DAB2IP: variants seen among roughly 807,000 people sequenced by gnomAD.
The protein encoded by DAB2IP is disabled homolog 2-interacting protein.
A neutral mutation model predicts 107.2 loss-of-function variants in DAB2IP; 28 were observed. That is an observed-to-expected ratio of 0.26 (90% confidence interval 0.19 to 0.36). The LOEUF is 0.36. Among genes scored for constraint, DAB2IP ranks in the 10% least tolerant of loss-of-function variants. The probability of loss-of-function intolerance (pLI) is 1.00; values close to 1 mark genes in which losing one functional copy is unlikely to be tolerated. For missense variants in DAB2IP, 1,400 were observed against 1,644.7 expected, an observed-to-expected ratio of 0.85 and a Z score of 2.57; for synonymous variants, 755 against 706.4, an observed-to-expected ratio of 1.07 and a Z score of -1.09.
chr9:121,679,751 C>G (rs1437936055), intron 2 of DAB2IP, among the ~76,000 whole-genome samples: 1 of 152,000 alleles, frequency 6.6e-6, no homozygotes, highest in Non-Finnish European at 1.5e-5. Context: ...TCCAGGGGAG[C>G]TGGAAGTGAT....
intron 1 of DAB2IP, among the ~76,000 whole-genome samples, chr9:121,657,855 G>GATGGATACTT (rs1320456908): frequency 6.6e-6 from 1 of 152,216 alleles, no homozygotes; most frequent in Admixed American, 6.5e-5. Context: ...AGGTTGGAGA[G>GATGGATACTT]ATGGATACTT....
chr9:121,647,504 C>T (rs1832578913), upstream of DAB2IP, among the ~76,000 whole-genome samples: 1 of 152,168 alleles, frequency 6.6e-6, no homozygotes, highest in Non-Finnish European at 1.5e-5. Flanking sequence ...CATGATGTAC[C>T]TGGACTTTCA....
At chr9:121,700,642 C>T (rs1829722427) in intron 3 of DAB2IP, among the ~76,000 whole-genome samples, 1 of 152,184 alleles carries the variant, frequency 6.6e-6, no homozygotes, top group African/African-American at 2.4e-5. Flanking sequence ...AAGTTACAGC[C>T]CAACTCCTGC....
rs1302767980 is a variant in DAB2IP at position 121,770,502 on chromosome 9, G to A, written c.1900-44G>A. On this transcript the variant is annotated intron_variant, in intron 10 of 15. Coordinates refer to ENST00000408936, the Ensembl canonical transcript of DAB2IP. ...GCTGCAGCACATACAGCCTACCCAT[G>A]TGGTCCCAGGAGGTCACACCTGCCT... The A allele has an allele frequency of 3.1e-6, 5 of 1,591,822 alleles. No homozygotes were observed. The East Asian group carries it at 6.8e-5, about 22-fold the overall frequency.
upstream of DAB2IP, among the ~76,000 whole-genome samples, chr9:121,648,529 G>C (rs1832622460): frequency 6.6e-6 from 1 of 152,112 alleles, no homozygotes; most frequent in Non-Finnish European, 1.5e-5. Context: ...GAGGGTAAAG[G>C]TGCTGGTGGT....
At chr9:121,691,485 C>T (rs1345189230) in intron 2 of DAB2IP, among the ~76,000 whole-genome samples, 1 of 149,418 alleles carries the variant, frequency 6.7e-6, no homozygotes, top group African/African-American at 2.5e-5. Flanking sequence ...CGCGCCACTG[C>T]ACTCCAGCCT....
intron 1 of DAB2IP, among the ~76,000 whole-genome samples, chr9:121,671,784 C>G (rs1247533321): frequency 6.6e-6 from 1 of 152,206 alleles, no homozygotes; most frequent in Non-Finnish European, 1.5e-5. Flanking sequence ...ATAGTGTCCT[C>G]CCTTCCTTGC....
At chr9:121,722,637 A>G (rs1306605919) in intron 3 of DAB2IP, among the ~76,000 whole-genome samples, 3 of 152,110 alleles carry the variant, frequency 2.0e-5, no homozygotes, top group Admixed American at 6.5e-5. Flanking sequence ...ACAGACAGCC[A>G]GTGGGTTTGA....
chr9:121,643,068 T>G (rs1301772710), intron 1 of DAB2IP, among the ~76,000 whole-genome samples: 2 of 151,924 alleles, frequency 1.3e-5, no homozygotes, highest in Non-Finnish European at 2.9e-5. Flanking sequence ...TCAAGCTGAG[T>G]CCAGAACTAT....
chr9:121,663,923 C>T (rs562164414), intron 1 of DAB2IP, among the ~76,000 whole-genome samples: 18 of 152,348 alleles, frequency 1.2e-4, no homozygotes, highest in African/African-American at 3.6e-4. Context: ...ATCCTGTTTT[C>T]AACGTTTCCT....
intron 8 of DAB2IP, 152 bp downstream of exon 8, chr9:121,764,031 G>A: frequency 1.8e-6 from 2 of 1,103,926 alleles, no homozygotes; most frequent in South Asian, 1.6e-5. Flanking sequence ...TCTCAGGTGG[G>A]GCAGCGTTCA....
intron 1 of DAB2IP, among the ~76,000 whole-genome samples, chr9:121,675,821 T>C (rs1409050071): frequency 6.6e-6 from 1 of 152,202 alleles, no homozygotes; most frequent in Non-Finnish European, 1.5e-5. Context: ...TGGCATGTGC[T>C]GTCACAGAGG....
intron 1 of DAB2IP, among the ~76,000 whole-genome samples, chr9:121,611,136 C>A (rs1169132928): frequency 6.6e-6 from 1 of 152,128 alleles, no homozygotes; most frequent in Admixed American, 6.6e-5. Context: ...CCACCACGCC[C>A]GGCTAATTGT....
chr9:121,676,040 G>A (rs556840471), intron 1 of DAB2IP, among the ~76,000 whole-genome samples: 3 of 152,256 alleles, frequency 2.0e-5, no homozygotes, highest in Non-Finnish European at 2.9e-5. Flanking sequence ...ACGGCGCCAG[G>A]CTGAGGATGA....
intron 3 of DAB2IP, among the ~76,000 whole-genome samples, chr9:121,725,403 T>C (rs1040370410): frequency 6.6e-6 from 1 of 152,136 alleles, no homozygotes; most frequent in Admixed American, 6.5e-5. Flanking sequence ...GTCAGGTCTA[T>C]CTCCAAGAGA....
intron 1 of DAB2IP, among the ~76,000 whole-genome samples, chr9:121,580,243 A>G (rs1292444439): frequency 6.6e-6 from 1 of 152,186 alleles, no homozygotes; most frequent in African/African-American, 2.4e-5. Flanking sequence ...CTAGAGGGGA[A>G]GCACGCACCC....
At chr9:121,769,901 C>T (rs1834575215) in intron 10 of DAB2IP, among the ~76,000 whole-genome samples, 1 of 152,250 alleles carries the variant, frequency 6.6e-6, no homozygotes, top group African/African-American at 2.4e-5. Flanking sequence ...CAATTGCGTG[C>T]TCTATTGCCT....
chr9:121,622,714 A>G (rs1435856380), intron 1 of DAB2IP, among the ~76,000 whole-genome samples: 10 of 152,124 alleles, frequency 6.6e-5, no homozygotes, highest in Admixed American at 6.5e-4. Flanking sequence ...ACAGATGTCA[A>G]TTGTTAATAG....
chr9:121,627,120 AACACAC>A (rs55977828), intron 1 of DAB2IP, among the ~76,000 whole-genome samples: 5,043 of 149,008 alleles, frequency 0.034, 281 homozygotes, highest in African/African-American at 0.12. Context: ...ACCCCTACTC[AACACAC>A]ACACACACAC....
Sources: gnomAD v4.1 joint callset for allele counts (sites outside exome capture counted in the v4.1 genomes callset) on GRCh38, gnomAD v4.1.1 for gene constraint, MANE v1.5 for transcripts, NCBI Gene and HGNC (gene_info 2026-07-23, HGNC 2026-07-21) for gene names.